SLC67A1: variants seen among roughly 807,000 people sequenced by gnomAD.
SLC67A1 encodes solute carrier family 67 member 1.
the SLC67A1 span, among the ~76,000 whole-genome samples, chr11:2,911,388 C>A: frequency 6.6e-6 from 1 of 151,814 alleles, no homozygotes; most frequent in African/African-American, 2.4e-5. Flanking sequence ...CTTGTGTGGG[C>A]AGCTCTGGTG....
At chr11:2,922,049 G>T in the SLC67A1 span, 4 of 1,352,258 alleles carry the variant, frequency 3.0e-6, no homozygotes. Context: ...CAGTCCAGAC[G>T]CCCCTCCCTC....
At chr11:2,925,100 T>TC in the SLC67A1 span, 1 of 1,613,846 alleles carries the variant, frequency 6.2e-7, no homozygotes, top group Non-Finnish European at 8.5e-7. This position sits in a 1 kb window ranked among gnomAD's most constrained non-coding sequence, Gnocchi z 6.5. Context: ...AGCTTTGGCG[T>TC]CCCCGTCTTC....
chr11:2,919,395 G>T, the SLC67A1 span: 1 of 1,613,452 alleles, frequency 6.2e-7, no homozygotes, highest in Non-Finnish European at 8.5e-7. Flanking sequence ...CCTTCTTCGG[G>T]CTCCTCCAGA....
chr11:2,907,921 G>C, the SLC67A1 span, among the ~76,000 whole-genome samples: 2 of 152,158 alleles, frequency 1.3e-5, no homozygotes, highest in African/African-American at 4.8e-5. The surrounding 1 kb of genome is among the most constrained non-coding windows in gnomAD (Gnocchi z 6.7). Context: ...ACAAAGTTTT[G>C]AATGAATGAA....
chr11:2,922,629 C>T, the SLC67A1 span: 7 of 709,472 alleles, frequency 9.9e-6, no homozygotes, highest in Non-Finnish European at 1.4e-5. Context: ...ATGGGGTGGG[C>T]AGCCTAGGGT....
At chr11:2,907,126 G>A in the SLC67A1 span, among the ~76,000 whole-genome samples, 2 of 151,626 alleles carry the variant, frequency 1.3e-5, no homozygotes, top group Non-Finnish European at 2.9e-5. This position sits in a 1 kb window ranked among gnomAD's most constrained non-coding sequence, Gnocchi z 6.7. Context: ...GGACTGAAGT[G>A]CTCTGGGGAG....
the SLC67A1 span, chr11:2,903,251 C>A: frequency 5.2e-6 from 8 of 1,541,944 alleles, no homozygotes; most frequent in Admixed American, 1.8e-5. Flanking sequence ...CCCAGTGACT[C>A]AGCACCCCTG....
At chr11:2,912,873 G>A in the SLC67A1 span, among the ~76,000 whole-genome samples, 17 of 152,210 alleles carry the variant, frequency 1.1e-4, no homozygotes, top group African/African-American at 3.9e-4. Context: ...TTCCCCAGGT[G>A]GACAGGCAGC....
At chr11:2,917,912 G>C in the SLC67A1 span, 1 of 1,190,808 alleles carries the variant, frequency 8.4e-7, no homozygotes, top group South Asian at 1.5e-5. Context: ...CCTCCGAATG[G>C]CGAGGCCTGC....
At chr11:2,908,579 T>C in the SLC67A1 span, among the ~76,000 whole-genome samples, 2 of 152,192 alleles carry the variant, frequency 1.3e-5, no homozygotes, top group African/African-American at 4.8e-5. Context: ...GAACACCTCG[T>C]GGCTGTAAGC....
At chr11:2,905,517 T>A in the SLC67A1 span, among the ~76,000 whole-genome samples, 3 of 152,364 alleles carry the variant, frequency 2.0e-5, no homozygotes, top group African/African-American at 7.2e-5. Flanking sequence ...CATCCTTTTT[T>A]ATGGCTGCAT....
the SLC67A1 span, among the ~76,000 whole-genome samples, chr11:2,913,445 G>T: frequency 5.9e-5 from 9 of 152,318 alleles, no homozygotes; most frequent in Non-Finnish European, 1.2e-4. Flanking sequence ...GGAGGGCTAT[G>T]TGTTTGGGGA....
the SLC67A1 span, chr11:2,899,879 T>G: frequency 3.1e-6 from 2 of 637,068 alleles, no homozygotes; most frequent in Non-Finnish European, 5.2e-6. Flanking sequence ...CTCTGGGCAG[T>G]TTGGTAACTC....
the SLC67A1 span, among the ~76,000 whole-genome samples, chr11:2,914,396 C>T: frequency 5.3e-5 from 8 of 152,194 alleles, no homozygotes; most frequent in Middle Eastern, 3.4e-3. Flanking sequence ...CCAGGCTGTC[C>T]GGCGTGCAGA....
At chr11:2,902,511 G>C in the SLC67A1 span, 1 of 907,164 alleles carries the variant, frequency 1.1e-6, no homozygotes, top group Non-Finnish European at 1.3e-6. Flanking sequence ...CCCGGGATGG[G>C]GGAGGGCGCC....
the SLC67A1 span, among the ~76,000 whole-genome samples, chr11:2,923,723 G>A: frequency 6.6e-6 from 1 of 152,230 alleles, no homozygotes; most frequent in Non-Finnish European, 1.5e-5. This position sits in a 1 kb window ranked among gnomAD's most constrained non-coding sequence, Gnocchi z 6.5. Context: ...GGGGAGATGA[G>A]GACCCGGCCT....
At chr11:2,916,421 G>A in the SLC67A1 span, 33 of 526,278 alleles carry the variant, frequency 6.3e-5, no homozygotes, top group African/African-American at 3.9e-4. Context: ...GATGGTGAGC[G>A]CCCCACCCAT....
the SLC67A1 span, among the ~76,000 whole-genome samples, chr11:2,905,147 CA>C: frequency 6.6e-6 from 1 of 152,202 alleles, no homozygotes; most frequent in South Asian, 2.1e-4. Flanking sequence ...GAGCTGGACA[CA>C]AGGCAGTTCA....
At chr11:2,916,979 G>T in the SLC67A1 span, 5 of 567,672 alleles carry the variant, frequency 8.8e-6, no homozygotes, top group African/African-American at 1.9e-5. Flanking sequence ...AGGCAGGAAG[G>T]CCCAGACAGG....
Sources: gnomAD v4.1 joint callset for allele counts (sites outside exome capture counted in the v4.1 genomes callset) on GRCh38, gnomAD v4.1.1 for gene constraint, Gnocchi (gnomAD v3.1) non-coding constraint, MANE v1.5 for transcripts, NCBI Gene and HGNC (gene_info 2026-07-23, HGNC 2026-07-21) for gene names.